Variants in D2HGDH observed in about 807,000 individuals in gnomAD.
The protein encoded by D2HGDH is D-2-hydroxyglutarate dehydrogenase, also known as D-2-hydroxyglutarate dehydrogenase, mitochondrial.
D2HGDH carries 31 observed loss-of-function variants against 46.9 expected under a neutral mutation model. That is an observed-to-expected ratio of 0.66 (90% CI 0.50 to 0.89). The LOEUF (loss-of-function observed/expected upper bound fraction) is 0.89, where lower values mean the gene tolerates loss of function less well. Ranked by LOEUF, D2HGDH falls within the 40% of genes least tolerant of loss-of-function variation. The probability of loss-of-function intolerance (pLI) is 0.00; values close to 1 mark genes in which losing one functional copy is unlikely to be tolerated. For missense variants in D2HGDH, 698 were observed against 720.8 expected (o/e 0.97, Z 0.36); for synonymous variants, 364 against 332.6 (o/e 1.09, Z -1.03).
rs554386981 is a variant in D2HGDH at position 241,760,731 on chromosome 2, A to C, written c.1306+4717A>C. 3.9e-5 allele frequency among the ~76,000 whole-genome samples: 6 copies of C among 152,280 alleles called. No homozygotes were observed. The East Asian group carries it at 1.2e-3, about 29-fold the overall frequency. ...AATCAGTCGAAGGCCACAAGAGCAGAAATCTAAGATCTCTTAAGGAAGAGA... is the reference window on the plus strand; with the variant it reads ...AATCAGTCGAAGGCCACAAGAGCAGCAATCTAAGATCTCTTAAGGAAGAGA... On this transcript the variant is annotated intron_variant, in intron 9 of 9. Coordinates refer to ENST00000321264, the MANE Select transcript of D2HGDH (RefSeq NM_152783.5).
chr2:241,734,990 C>CG, intron 1 of D2HGDH, 143 bp from the exon 2 acceptor site: 2 of 520,168 alleles, frequency 3.8e-6, no homozygotes, highest in Non-Finnish European at 6.6e-6. Context: ...CGCGCGCTCG[C>CG]GGGGTTGCGG....
intron 8 of D2HGDH, among the ~76,000 whole-genome samples, 156 bp downstream of exon 8, chr2:241,751,544 A>T (rs1697205117): frequency 1.3e-5 from 2 of 152,154 alleles, no homozygotes; most frequent in African/African-American, 4.8e-5. Context: ...GCCTCTTTGG[A>T]TGGAAAATGT....
chr2:241,758,214 C>T (rs1009325907), intron 9 of D2HGDH, among the ~76,000 whole-genome samples: 2 of 152,090 alleles, frequency 1.3e-5, no homozygotes, highest in Non-Finnish European at 2.9e-5. Context: ...TTCTGTTCCA[C>T]GCTGTTCCTT....
At chr2:241,755,235 C>T (rs1360533456) in intron 8 of D2HGDH, 5 of 1,116,318 alleles carry the variant, frequency 4.5e-6, no homozygotes, top group Admixed American at 2.5e-5. Context: ...GTCCTTCCCT[C>T]CCCCGTGGCC....
chr2:241,752,136 G>A (rs1041445230), intron 8 of D2HGDH, among the ~76,000 whole-genome samples: 2 of 152,098 alleles, frequency 1.3e-5, no homozygotes, highest in East Asian at 1.9e-4. Flanking sequence ...CTTTACTCCC[G>A]CTTAGTTGAT....
chr2:241,755,716 T>C lies in D2HGDH; in HGVS notation c.1141-133T>C, dbSNP rs377221984. 170 of 1,570,376 alleles carry C rather than the reference T, an allele frequency of 1.1e-4. No homozygotes were observed. The East Asian group carries it at 2.2e-3, about 20-fold the overall frequency. On this transcript the variant is annotated intron_variant, in intron 8 of 9. Coordinates refer to ENST00000321264, the MANE Select transcript of D2HGDH (RefSeq NM_152783.5). ...GGAGCCACACCTGGTCTGGGGCATT[T>C]GCTGTCCGGGGTCGGAGCCTCACCT...
At position 241,737,531 on chromosome 2, in the gene D2HGDH, T is replaced by C. The variant is rs146203223; in HGVS notation, c.292+2015T>C. Among the ~76,000 whole-genome samples the C allele has an allele frequency of 8.3e-3, 1,263 of 152,028 alleles. 51 individuals are homozygous for C. The highest frequency in any genetic ancestry group is 0.051 in the East Asian group (264 of 5,138). The stretch of plus-strand genomic sequence containing the variant: ...TTGAGATGGAGTCTTGCCCTGTCAC[T>C]CAGGGTGGAGTGCAGTGGCACGATC... On this transcript the variant is annotated intron_variant, in intron 2 of 9. Transcript: ENST00000321264.
chr2:241,745,379 T>A (rs1365688447), intron 6 of D2HGDH, among the ~76,000 whole-genome samples: 1 of 152,254 alleles, frequency 6.6e-6, no homozygotes, highest in African/African-American at 2.4e-5. Flanking sequence ...TCCTGGGACC[T>A]GCCTGCGGCT....
chr2:241,739,865 C>T (rs1218303776), intron 2 of D2HGDH, among the ~76,000 whole-genome samples: 2 of 152,230 alleles, frequency 1.3e-5, no homozygotes, highest in Non-Finnish European at 2.9e-5. Flanking sequence ...AGCTAAGAGG[C>T]CGGGCGCGGC....
intron 2 of D2HGDH, among the ~76,000 whole-genome samples, chr2:241,738,047 G>C (rs1340970906): frequency 2.6e-5 from 4 of 152,232 alleles, no homozygotes; most frequent in Non-Finnish European, 5.9e-5. Flanking sequence ...CTGGGGTCTA[G>C]GCTCAGATAA....
At chr2:241,737,171 C>T (rs1693135585) in intron 2 of D2HGDH, among the ~76,000 whole-genome samples, 2 of 152,110 alleles carry the variant, frequency 1.3e-5, no homozygotes, top group Admixed American at 6.5e-5. Flanking sequence ...AGGGTTTTAT[C>T]GTGTTAGCCA....
At chr2:241,760,627 C>CG (rs573034108) in intron 9 of D2HGDH, among the ~76,000 whole-genome samples, 34 of 151,518 alleles carry the variant, frequency 2.2e-4, no homozygotes, top group Non-Finnish European at 3.7e-4. Flanking sequence ...CCCAATCAGT[C>CG]GAAGTCCTTT....
intron 9 of D2HGDH, among the ~76,000 whole-genome samples, chr2:241,765,111 C>G (rs915083711): frequency 1.3e-5 from 2 of 152,190 alleles, no homozygotes; most frequent in Admixed American, 6.5e-5. Flanking sequence ...GTGGGGGCGT[C>G]CAGATAGAGC....
chr2:241,740,777 T>C (rs1336481976), intron 2 of D2HGDH, among the ~76,000 whole-genome samples: 5 of 152,134 alleles, frequency 3.3e-5, no homozygotes, highest in Admixed American at 6.5e-5. Flanking sequence ...AAACCCTGTC[T>C]CTACTAAAAA....
rs914070771 is a variant in D2HGDH at position 241,742,708 on chromosome 2, G to A, written c.490+134G>A. 100 of 1,201,744 alleles carry A rather than the reference G, an allele frequency of 8.3e-5. No homozygotes were observed. Among genetic ancestry groups the A allele is most frequent in the Non-Finnish European group, 1.2e-4 (97 of 824,432 alleles). The allele number at this position is 1,201,744 out of a possible 1,614,324, so 74.4% of individuals were successfully genotyped here. ...GGCCGGCGCTGGGGAAAGAACCAGC[G>A]TCTGTAGCCTGGCCGCCTAGCCCCA... On this transcript the variant is annotated intron_variant, in intron 4 of 9. Coordinates refer to ENST00000321264, the MANE Select transcript of D2HGDH (RefSeq NM_152783.5). This position sits in a 1 kb window ranked among gnomAD's most constrained non-coding sequence, Gnocchi z 4.8.
chr2:241,755,480 G>A (rs970155997), intron 8 of D2HGDH: 2 of 1,326,676 alleles, frequency 1.5e-6, no homozygotes, highest in Middle Eastern at 2.1e-4. Flanking sequence ...AGCTGCAGGT[G>A]GGCGCCTCCC....
chr2:241,756,053 G>A, intron 9 of D2HGDH, 39 bp downstream of exon 9: 6 of 1,572,212 alleles, frequency 3.8e-6, no homozygotes, highest in Non-Finnish European at 5.2e-6. Context: ...GTGTGTGCTG[G>A]GTGGTGGGCC....
At position 241,743,252 on chromosome 2, in the gene D2HGDH, T is replaced by TCCG. The variant is rs1694996339; in HGVS notation, c.491-367_491-365dup. Among the ~76,000 whole-genome samples the TCCG allele has an allele frequency of 6.6e-6, 1 of 152,176 alleles. No individual in the cohort carries two copies. The highest frequency in any genetic ancestry group is 2.4e-5 in the African/African-American group (1 of 41,436). ...TGGGTGTTGAGCAGCATCCTTGGCCTCCGCCTACAAGGTGCCCATGGCACC... is the reference window on the plus strand; with the variant it reads ...TGGGTGTTGAGCAGCATCCTTGGCCTCCGCCGCCTACAAGGTGCCCATGGCACC... On this transcript the variant is annotated intron_variant, in intron 4 of 9. Coordinates refer to ENST00000321264, the MANE Select transcript of D2HGDH (RefSeq NM_152783.5). This position sits in a 1 kb window ranked among gnomAD's most constrained non-coding sequence, Gnocchi z 4.8.
At chr2:241,747,802 A>G (rs555042657) in intron 6 of D2HGDH, among the ~76,000 whole-genome samples, 6 of 152,242 alleles carry the variant, frequency 3.9e-5, no homozygotes, top group South Asian at 2.1e-4. Context: ...AGCTCAAACA[A>G]TTCTCCTGCC....
Sources: allele counts gnomAD v4.1 joint callset (sites outside exome capture counted in the v4.1 genomes callset), GRCh38; gene constraint gnomAD v4.1.1; non-coding constraint Gnocchi (gnomAD v3.1); transcripts MANE v1.5; gene names NCBI Gene and HGNC (gene_info 2026-07-23, HGNC 2026-07-21).